The following RASA2 variants were observed in gnomAD, a reference collection of about 807,000 sequenced individuals.
RASA2 encodes the protein RAS p21 protein activator 2.
Under a neutral mutation model 118.2 loss-of-function variants are expected in RASA2, and 155 were observed. The observed-to-expected ratio is 1.31, with a 90% CI of 1.15 to 1.50. RASA2 has a LOEUF of 1.50. RASA2 is among the 40% of genes most tolerant of loss of function. The probability of loss-of-function intolerance (pLI) is 0.00; values close to 1 mark genes in which losing one functional copy is unlikely to be tolerated. For synonymous variants in RASA2, 353 were observed against 349.1 expected (o/e 1.01, Z -0.12); for missense variants, 1,016 against 1,009.6 (o/e 1.01, Z -0.09).
Position 141,529,819 on chromosome 3 carries a change from A to G in RASA2, c.450+17A>G, listed in dbSNP as rs747617398. 1.3e-6 allele frequency: 2 copies of G among 1,538,314 alleles called. No individual in the cohort carries two copies. Among genetic ancestry groups the G allele is most frequent in the East Asian group, 2.3e-5 (1 of 44,364 alleles). Reference sequence around the variant, plus strand: ...GAGGTTCAGGTAAATATTAAGGCTTATGTAATACAAGAGATTGTCACAGGA... The same window carrying G: ...GAGGTTCAGGTAAATATTAAGGCTTGTGTAATACAAGAGATTGTCACAGGA... On this transcript the variant is annotated intron_variant, in intron 4 of 23. Coordinates refer to ENST00000286364, the MANE Select transcript of RASA2 (RefSeq NM_006506.5).
intron 11 of RASA2, 122 bp from the exon 12 acceptor site, chr3:141,572,487 C>A: frequency 1.6e-6 from 1 of 640,238 alleles, no homozygotes; most frequent in South Asian, 1.8e-5. Flanking sequence ...GTCACTTATG[C>A]CTTCTAGTAT....
rs568824104 is a variant in RASA2 at position 141,518,412 on chromosome 3, G to A, written c.355+1981G>A. ...GCAGAAGAATCGCTTGAATCCGGGA[G>A]GCAGAGGTTGCAGTGAGCTGAGGTT... On this transcript the variant is annotated intron_variant, in intron 3 of 23. Transcript: ENST00000286364. Among the ~76,000 whole-genome samples the A allele has an allele frequency of 3.5e-5, 5 of 142,796 alleles. No individual in the cohort carries two copies. The South Asian group carries it at 8.9e-4, about 26-fold the overall frequency. 93.7% of individuals were successfully genotyped at this position (142,796 alleles called of 152,430 possible). A position where few individuals can be genotyped will look rare whatever the true frequency, so the allele number is the denominator to read the frequency against.
chr3:141,512,395 G>C lies in RASA2; in HGVS notation c.251+115G>C. The C allele has an allele frequency of 6.9e-6, 5 of 724,864 alleles. No homozygotes were observed. The South Asian group carries it at 9.3e-5, about 14-fold the overall frequency. 44.9% of individuals were successfully genotyped at this position (724,864 alleles called of 1,614,324 possible). On this transcript the variant is annotated intron_variant, in intron 2 of 23. Coordinates refer to ENST00000286364, the MANE Select transcript of RASA2 (RefSeq NM_006506.5). Reference sequence around the variant, plus strand: ...AGACAGAAACAGTGCTTGCTTTCATGTGGCTTTTCATTGCCTCAAAATGTA... The same window carrying C: ...AGACAGAAACAGTGCTTGCTTTCATCTGGCTTTTCATTGCCTCAAAATGTA...
chr3:141,574,402 G>C (rs2082976483), intron 14 of RASA2, among the ~76,000 whole-genome samples: 1 of 151,944 alleles, frequency 6.6e-6, no homozygotes, highest in Non-Finnish European at 1.5e-5. Flanking sequence ...TGTTAGCCAG[G>C]ATAGTCTCGA....
intron 3 of RASA2, chr3:141,525,213 T>C (rs1036434744): frequency 2.6e-5 from 4 of 152,178 alleles, no homozygotes; most frequent in African/African-American, 9.6e-5. Context: ...CTGGTGTGTA[T>C]ATGTTTGGTT....
intron 5 of RASA2, among the ~76,000 whole-genome samples, chr3:141,545,855 C>T (rs2082477717): frequency 6.6e-6 from 1 of 151,898 alleles, no homozygotes; most frequent in Non-Finnish European, 1.5e-5. Flanking sequence ...TTTTTGTACC[C>T]TCACTTCCCG....
intron 5 of RASA2, among the ~76,000 whole-genome samples, chr3:141,546,851 T>C (rs1439695831): frequency 1.3e-5 from 2 of 152,242 alleles, no homozygotes; most frequent in African/African-American, 4.8e-5. Flanking sequence ...AAGCCTTTAA[T>C]CCATTTTTAT....
intron 19 of RASA2, among the ~76,000 whole-genome samples, chr3:141,588,854 T>A (rs932464804): frequency 4.0e-4 from 61 of 152,062 alleles, no homozygotes; most frequent in Non-Finnish European, 5.9e-4. Context: ...TTTATTTTTT[T>A]TTTTTGAGAT....
intron 1 of RASA2, among the ~76,000 whole-genome samples, chr3:141,499,137 TATG>T (rs1164767452): frequency 1.3e-5 from 2 of 152,200 alleles, no homozygotes; most frequent in Admixed American, 1.3e-4. Context: ...AAGTGATTAA[TATG>T]ATAGCAGTGT....
At chr3:141,509,637 A>G (rs1038615299) in intron 1 of RASA2, among the ~76,000 whole-genome samples, 1 of 152,228 alleles carries the variant, frequency 6.6e-6, no homozygotes, top group Non-Finnish European at 1.5e-5. Context: ...GGAGACGTCA[A>G]AGAAAAAGGA....
chr3:141,582,260 G>A (rs571476320), intron 17 of RASA2, among the ~76,000 whole-genome samples: 43 of 152,240 alleles, frequency 2.8e-4, no homozygotes, highest in Non-Finnish European at 5.1e-4. Flanking sequence ...ATTCAAGTCC[G>A]TTGGAATATT....
chr3:141,610,374 ATT>A (rs1491184119), intron 23 of RASA2, among the ~76,000 whole-genome samples: 5,169 of 124,328 alleles, frequency 0.042, 519 homozygotes, highest in East Asian at 0.15. Flanking sequence ...ATATATTTAT[ATT>A]TATATATTAT....
chr3:141,512,248 T>G lies in RASA2; in HGVS notation c.219T>G (p.Val73=), dbSNP rs2081963323. 9.4e-6 allele frequency: 15 copies of G among 1,592,000 alleles called. No individual in the cohort carries two copies. The highest frequency in any genetic ancestry group is 7.7e-6 in the Non-Finnish European group (9 of 1,174,194). Residue 73 remains valine, a synonymous_variant, in exon 2 of 24, where the codon GTT becomes GTG. Coordinates refer to ENST00000286364, the MANE Select transcript of RASA2 (RefSeq NM_006506.5). ...FCTINLDQEE[V]YRTQVVEKSL... is the part of the protein sequence containing the mutation. ...CCATAAATTTGGACCAGGAAGAAGT[T>G]TATCGTACCCAAGTTGTGGAAAAAT...
intron 9 of RASA2, among the ~76,000 whole-genome samples, chr3:141,569,059 G>A (rs1472485357): frequency 2.0e-5 from 3 of 152,044 alleles, no homozygotes; most frequent in Admixed American, 6.5e-5. Flanking sequence ...ATATAATACA[G>A]TTTTTCTGCA....
chr3:141,531,085 C>T (rs938673775), intron 4 of RASA2, among the ~76,000 whole-genome samples: 5 of 152,060 alleles, frequency 3.3e-5, no homozygotes, highest in Non-Finnish European at 7.4e-5. Context: ...AAAATATTGT[C>T]TGTTTACCAC....
intron 9 of RASA2, among the ~76,000 whole-genome samples, chr3:141,568,853 G>GA (rs1027690942): frequency 2.0e-5 from 3 of 151,556 alleles, no homozygotes; most frequent in East Asian, 1.9e-4. Flanking sequence ...TAAGCCACAG[G>GA]AAAAAAAATA....
At chr3:141,548,858 A>C (rs2082527737) in intron 5 of RASA2, among the ~76,000 whole-genome samples, 1 of 152,116 alleles carries the variant, frequency 6.6e-6, no homozygotes, top group Non-Finnish European at 1.5e-5. Flanking sequence ...ATTTTCTCGC[A>C]GGTTCCGTAA....
chr3:141,551,245 A>G (rs1225266174), intron 5 of RASA2, among the ~76,000 whole-genome samples: 1 of 152,096 alleles, frequency 6.6e-6, no homozygotes, highest in African/African-American at 2.4e-5. Flanking sequence ...TTTGTGGTTT[A>G]CTTTTAACTT....
intron 1 of RASA2, among the ~76,000 whole-genome samples, chr3:141,506,151 A>G (rs2081863014): frequency 6.6e-6 from 1 of 152,380 alleles, no homozygotes; most frequent in African/African-American, 2.4e-5. Context: ...CCAGTTATGA[A>G]TCAACAAGAA....
Sources: allele counts gnomAD v4.1 joint callset (sites outside exome capture counted in the v4.1 genomes callset), GRCh38; gene constraint gnomAD v4.1.1; transcripts MANE v1.5; gene names NCBI Gene and HGNC (gene_info 2026-07-23, HGNC 2026-07-21).